The following ELF1 variants were observed in gnomAD, a reference collection of about 807,000 sequenced individuals.
ELF1 encodes the protein ETS-related transcription factor Elf-1.
In ELF1, 24 loss-of-function variants were observed where a neutral mutation model predicts 59.9. The observed-to-expected ratio is 0.40, with a 90% CI of 0.29 to 0.56. ELF1 has a LOEUF of 0.56. Ranked by LOEUF, ELF1 falls within the 20% of genes least tolerant of loss-of-function variation. The pLI is 0.44. For synonymous variants in ELF1, 248 were observed against 266.2 expected (o/e 0.93, Z 0.67); for missense variants, 627 against 742.2 (o/e 0.84, Z 1.80).
At chr13:40,949,495 T>A (rs542108917) in intron 5 of ELF1, among the ~76,000 whole-genome samples, 1 of 152,136 alleles carries the variant, frequency 6.6e-6, no homozygotes, top group East Asian at 1.9e-4. Flanking sequence ...TATCTAGGAC[T>A]ACAGGTGCCT....
intron 1 of ELF1, among the ~76,000 whole-genome samples, chr13:41,002,576 C>A (rs556290432): frequency 6.9e-6 from 1 of 144,498 alleles, no homozygotes; most frequent in African/African-American, 2.6e-5. Context: ...CAGAGCAAGA[C>A]CTTACCTTAA....
At chr13:41,021,098 A>C (rs1486725108), upstream of ELF1, among the ~76,000 whole-genome samples, 2 of 152,214 alleles carry the variant, frequency 1.3e-5, no homozygotes, top group Non-Finnish European at 2.9e-5. Flanking sequence ...TCTCCAAGTC[A>C]GCATTAGTTT....
intron 1 of ELF1, among the ~76,000 whole-genome samples, chr13:41,008,621 T>C (rs1266468164): frequency 1.3e-5 from 2 of 152,164 alleles, no homozygotes; most frequent in African/African-American, 4.8e-5. Context: ...CCTATGGATT[T>C]TAATGTTACA....
intron 1 of ELF1, among the ~76,000 whole-genome samples, chr13:41,009,155 T>C (rs1874912865): frequency 6.6e-6 from 1 of 151,944 alleles, no homozygotes; most frequent in Non-Finnish European, 1.5e-5. Flanking sequence ...AATAAATATA[T>C]TAATATTTTT....
chr13:41,023,126 T>C (rs912641796), upstream of ELF1, among the ~76,000 whole-genome samples: 3 of 152,206 alleles, frequency 2.0e-5, no homozygotes, highest in African/African-American at 4.8e-5. Context: ...CTGAGAGAGA[T>C]TGAGTCAACT....
At chr13:41,058,480 C>T (rs1391478558) in intron 1 of ELF1, among the ~76,000 whole-genome samples, 1 of 152,250 alleles carries the variant, frequency 6.6e-6, no homozygotes, top group Non-Finnish European at 1.5e-5. Context: ...TTCTACAACT[C>T]AGATGTTGCC....
At chr13:40,982,358 G>T in intron 1 of ELF1, 76 bp from the exon 2 acceptor site, 1 of 998,700 alleles carries the variant, frequency 1.0e-6, no homozygotes, top group Non-Finnish European at 1.2e-6. Context: ...ACAGAGGGCA[G>T]TATCGCTAAA....
intron 1 of ELF1, among the ~76,000 whole-genome samples, chr13:41,001,749 T>C (rs951192740): frequency 6.6e-6 from 1 of 152,040 alleles, no homozygotes; most frequent in East Asian, 1.9e-4. Flanking sequence ...CACGCTCCCA[T>C]AGCAGGGGGC....
intron 2 of ELF1, among the ~76,000 whole-genome samples, chr13:40,975,351 G>C (rs982776690): frequency 2.8e-4 from 42 of 152,044 alleles, no homozygotes; most frequent in African/African-American, 9.4e-4. Flanking sequence ...AAGGAAAAAG[G>C]AAAGTTCTAT....
intron 1 of ELF1, among the ~76,000 whole-genome samples, chr13:41,042,577 C>A (rs894189242): frequency 6.6e-6 from 1 of 151,868 alleles, no homozygotes. Context: ...TTTGTCCTTG[C>A]GATAGTTTGC....
chr13:41,044,886 T>C, intron 1 of ELF1, among the ~76,000 whole-genome samples: 1 of 152,236 alleles, frequency 6.6e-6, no homozygotes, highest in East Asian at 1.9e-4. Context: ...CTCCTCCTTG[T>C]ACCTCTGGTA....
chr13:40,939,915 T>A (rs552059746), intron 8 of ELF1, among the ~76,000 whole-genome samples: 203 of 152,266 alleles, frequency 1.3e-3, no homozygotes, highest in African/African-American at 4.8e-3. Context: ...AATGTAAAGG[T>A]CATCTTTGTA....
At chr13:40,937,527 T>C (rs1363664262) in intron 8 of ELF1, among the ~76,000 whole-genome samples, 1 of 152,224 alleles carries the variant, frequency 6.6e-6, no homozygotes, top group African/African-American at 2.4e-5. Context: ...TGGAGTGCAG[T>C]GGCGCCATCT....
At chr13:41,061,020 G>T (rs986118070) in exon 1 of ELF1, 3 of 216,632 alleles carry the variant, frequency 1.4e-5, no homozygotes, top group East Asian at 8.3e-5. Flanking sequence ...GGGAGAGGAG[G>T]GGCGGGGCCG....
At chr13:40,995,341 C>G (rs1052411522) in intron 1 of ELF1, among the ~76,000 whole-genome samples, 1 of 152,094 alleles carries the variant, frequency 6.6e-6, no homozygotes, top group African/African-American at 2.4e-5. Context: ...AATGTATTAA[C>G]AAGGCTAAAA....
chr13:40,935,674 CA>C (rs1336384164), intron 8 of ELF1, among the ~76,000 whole-genome samples: 46 of 121,696 alleles, frequency 3.8e-4, no homozygotes, highest in African/African-American at 8.3e-4. Flanking sequence ...AGCCAGATAC[CA>C]TTTTTTTTTT....
At chr13:40,950,042 T>A (rs972975035) in intron 4 of ELF1, 69 bp from the exon 5 acceptor site, 2 of 1,342,936 alleles carry the variant, frequency 1.5e-6, no homozygotes, top group African/African-American at 3.0e-5. Flanking sequence ...TTGAGAAAAT[T>A]TCTTGTTTCT....
At chr13:41,013,332 A>C (rs569119387) in intron 1 of ELF1, among the ~76,000 whole-genome samples, 3 of 152,214 alleles carry the variant, frequency 2.0e-5, no homozygotes, top group Non-Finnish European at 2.9e-5. Flanking sequence ...AAGTGTTCCC[A>C]AGCTCAAAAT....
chr13:40,954,435 A>C (rs79980100), intron 3 of ELF1, among the ~76,000 whole-genome samples: 159 of 42,290 alleles, frequency 3.8e-3, no homozygotes, highest in Non-Finnish European at 0.012. Flanking sequence ...CCCTCTCCCC[A>C]CGGTCTCCCT....
Sources: gnomAD v4.1 joint callset for allele counts (sites outside exome capture counted in the v4.1 genomes callset) on GRCh38, gnomAD v4.1.1 for gene constraint, MANE v1.5 for transcripts, NCBI Gene and HGNC (gene_info 2026-07-23, HGNC 2026-07-21) for gene names.